The following ROBO2 variants were observed in gnomAD, a reference collection of about 807,000 sequenced individuals.
ROBO2 encodes roundabout homolog 2.
In ROBO2, 53 loss-of-function variants were observed where a neutral mutation model predicts 160.8. The ratio of observed to expected loss-of-function variants is 0.33; its 90% CI spans 0.26 to 0.41. The LOEUF (loss-of-function observed/expected upper bound fraction) is 0.41. Ranked by LOEUF, ROBO2 falls within the 10% of genes least tolerant of loss-of-function variation. The pLI, the probability that ROBO2 is intolerant of heterozygous loss-of-function variation, is 1.00. For synonymous variants in ROBO2, 664 were observed against 611.7 expected (o/e 1.09, Z -1.26); for missense variants, 1,577 against 1,722.4 (o/e 0.92, Z 1.49).
chr3:76,119,641 T>C, intron 2 of ROBO2, among the ~76,000 whole-genome samples: 1 of 151,972 alleles, frequency 6.6e-6, no homozygotes, highest in East Asian at 1.9e-4. Flanking sequence ...ATAATAAAAA[T>C]AAATAAATAA....
chr3:77,034,673 G>A (rs570448045), intron 2 of ROBO2, among the ~76,000 whole-genome samples: 5 of 151,982 alleles, frequency 3.3e-5, no homozygotes, highest in East Asian at 1.9e-4. Flanking sequence ...AAAAATCCAC[G>A]GGTATCTATA....
At chr3:77,030,236 G>A (rs1338545026) in intron 2 of ROBO2, among the ~76,000 whole-genome samples, 5 of 152,238 alleles carry the variant, frequency 3.3e-5, no homozygotes, top group East Asian at 3.9e-4. Flanking sequence ...AAGCCACCGC[G>A]CCTGGCAAAA....
intron 2 of ROBO2, among the ~76,000 whole-genome samples, chr3:76,272,360 A>G (rs1328300997): frequency 1.3e-5 from 2 of 151,950 alleles, no homozygotes; most frequent in African/African-American, 4.8e-5. Context: ...GGTTATTAAA[A>G]CTAACTTAAA....
At chr3:77,338,687 A>G (rs2066747280) in intron 2 of ROBO2, among the ~76,000 whole-genome samples, 2 of 152,176 alleles carry the variant, frequency 1.3e-5, no homozygotes, top group African/African-American at 4.8e-5. Flanking sequence ...TCAAATGGTA[A>G]GTATCTGCCA....
At chr3:76,097,658 C>T (rs1358963792) in intron 2 of ROBO2, among the ~76,000 whole-genome samples, 2 of 152,046 alleles carry the variant, frequency 1.3e-5, no homozygotes, top group African/African-American at 4.8e-5. Context: ...GAGGATCTCA[C>T]TGAGATGGGG....
At chr3:76,613,949 A>AT (rs200488284) in intron 2 of ROBO2, among the ~76,000 whole-genome samples, 46 of 151,162 alleles carry the variant, frequency 3.0e-4, no homozygotes, top group East Asian at 2.7e-3. Flanking sequence ...ACCCTTATAC[A>AT]TTTTTTTTTC....
chr3:77,193,829 G>GA (rs983948553), intron 2 of ROBO2, among the ~76,000 whole-genome samples: 1 of 151,762 alleles, frequency 6.6e-6, no homozygotes, highest in East Asian at 1.9e-4. Flanking sequence ...AAAACTGGAA[G>GA]AAAAAAAAGA....
In ROBO2 at chr3:76,661,268, A is replaced by G. The variant is rs913969970; in HGVS notation, c.110-436746A>G. 2.2e-4 allele frequency among the ~76,000 whole-genome samples: 33 copies of G among 152,192 alleles called. 1 individual carries two copies. The highest frequency in any genetic ancestry group is 3.2e-3 in the Middle Eastern group (1 of 316). On this transcript the variant is annotated intron_variant, in intron 2 of 26. Transcript: ENST00000487694. ...CAGAAAGATTGAACAAGAAATTTTA[A>G]GTGACCTGAACACTCTAAAGTAGGA...
intron 1 of ROBO2, among the ~76,000 whole-genome samples, chr3:75,935,606 T>C (rs1947738441): frequency 6.6e-6 from 1 of 152,210 alleles, no homozygotes; most frequent in Non-Finnish European, 1.5e-5. Flanking sequence ...TGATAAAATA[T>C]ACTTGTATGT....
intron 1 of ROBO2, 78 bp from the exon 2 acceptor site, chr3:77,097,936 C>T (rs2071318851): frequency 1.6e-6 from 2 of 1,246,862 alleles, no homozygotes. Flanking sequence ...TTTAATTTCC[C>T]CATCAGGAAC....
chr3:76,172,616 C>T (rs1413513448), intron 2 of ROBO2, among the ~76,000 whole-genome samples: 2 of 151,680 alleles, frequency 1.3e-5, no homozygotes, highest in South Asian at 2.1e-4. Flanking sequence ...CCAAAATTAC[C>T]GAACATACTG....
intron 2 of ROBO2, among the ~76,000 whole-genome samples, chr3:76,024,710 G>T (rs2066682352): frequency 1.3e-5 from 2 of 151,516 alleles, no homozygotes; most frequent in African/African-American, 4.8e-5. Context: ...ATTTAATTGT[G>T]TTTTCTAATG....
chr3:75,991,896 G>A (rs2065584428), intron 2 of ROBO2, among the ~76,000 whole-genome samples: 2 of 152,164 alleles, frequency 1.3e-5, no homozygotes, highest in Non-Finnish European at 2.9e-5. Context: ...TTATGCTTTA[G>A]CAAAGAGACT....
chr3:76,480,819 C>T (rs2079169377), intron 2 of ROBO2, among the ~76,000 whole-genome samples: 1 of 152,146 alleles, frequency 6.6e-6, no homozygotes, highest in Non-Finnish European at 1.5e-5. Context: ...ATAATATTTT[C>T]ACCTGATAGA....
intron 2 of ROBO2, among the ~76,000 whole-genome samples, chr3:76,698,245 A>T (rs561626733): frequency 6.6e-6 from 1 of 152,320 alleles, no homozygotes; most frequent in Admixed American, 6.5e-5. Flanking sequence ...TTCCTGGGCG[A>T]TGGGCTGAAA....
chr3:76,874,946 A>ATGTT (rs1472700160), intron 2 of ROBO2, among the ~76,000 whole-genome samples: 1 of 152,150 alleles, frequency 6.6e-6, no homozygotes, highest in African/African-American at 2.4e-5. Context: ...TTATGGTTCA[A>ATGTT]TGTTTTAACA....
intron 2 of ROBO2, among the ~76,000 whole-genome samples, chr3:77,272,672 C>T (rs73844670): frequency 0.022 from 3,331 of 152,130 alleles, 107 homozygotes; most frequent in African/African-American, 0.076. Flanking sequence ...AGTGTAAAAG[C>T]GATAGCATTG....
At chr3:76,441,499 G>T (rs10514732) in intron 2 of ROBO2, among the ~76,000 whole-genome samples, 1 of 152,158 alleles carries the variant, frequency 6.6e-6, no homozygotes, top group Non-Finnish European at 1.5e-5. Flanking sequence ...GGGAAGAACC[G>T]TAGTTTTCAG....
chr3:76,051,443 G>A (rs1020363423), intron 2 of ROBO2, among the ~76,000 whole-genome samples: 8 of 152,112 alleles, frequency 5.3e-5, no homozygotes, highest in African/African-American at 1.9e-4. Context: ...TTATAACAAT[G>A]TTTGCAAAAA....
Sources: gnomAD v4.1 joint callset for allele counts (sites outside exome capture counted in the v4.1 genomes callset) on GRCh38, gnomAD v4.1.1 for gene constraint, MANE v1.5 for transcripts, NCBI Gene and HGNC (gene_info 2026-07-23, HGNC 2026-07-21) for gene names.